SGCZ: variants seen among roughly 807,000 people sequenced by gnomAD.
SGCZ encodes sarcoglycan zeta.
A neutral mutation model predicts 41.3 loss-of-function variants in SGCZ; 40 were observed. The observed-to-expected ratio is 0.97, with a 90% CI of 0.75 to 1.26. The LOEUF (loss-of-function observed/expected upper bound fraction) is 1.26, where lower values mean the gene tolerates loss of function less well. Among genes scored for constraint, SGCZ ranks in the 50% most tolerant of loss-of-function variants. The pLI, the probability that SGCZ is intolerant of heterozygous loss-of-function variation, is 0.00. For synonymous variants in SGCZ, 206 were observed against 137.5 expected (o/e 1.50, Z -3.49); for missense variants, 552 against 369.8 (o/e 1.49, Z -4.04).
At position 14,090,489 on chromosome 8, in the gene SGCZ, A is replaced by G. The variant is rs771935815; in HGVS notation, c.893T>C (p.Val298Ala). 4 of 1,612,934 alleles carry G rather than the reference A, an allele frequency of 2.5e-6. No homozygotes were observed. The highest frequency in any genetic ancestry group is 1.7e-6 in the Non-Finnish European group (2 of 1,179,364). Reference sequence around the variant, plus strand: ...GCTACTGGACTGACAAGTGGAACCTACTCCTGCTGGAGAAAGGTAAAGTTT... The same window carrying G: ...GCTACTGGACTGACAAGTGGAACCTGCTCCTGCTGGAGAAAGGTAAAGTTT... ...NGKLYLSPAG[V>A]GSTCQSSSNI... The change falls in exon 8 of 8, where the codon GTA (valine) becomes GCA (alanine). Residue 298 changes from valine to alanine, a missense_variant. Transcript: ENST00000382080.
In SGCZ at chr8:14,967,614, C is replaced by T. The variant is rs568211266; in HGVS notation, c.39+269971G>A. On this transcript the variant is annotated intron_variant, in intron 1 of 7. Coordinates refer to ENST00000382080, the MANE Select transcript of SGCZ (RefSeq NM_139167.4). ...AGCTGAACTCACTGTACTTTTCCAT[C>T]CCAAACCTCTCAGAAAGTACTGGTC... Among the ~76,000 whole-genome samples, 9 of 152,282 alleles carry T rather than the reference C, an allele frequency of 5.9e-5. No homozygotes were observed. The South Asian group carries it at 6.2e-4, about 11-fold the overall frequency.
chr8:14,219,379 C>CG (rs1806109422), intron 4 of SGCZ, among the ~76,000 whole-genome samples: 1 of 152,148 alleles, frequency 6.6e-6, no homozygotes, highest in African/African-American at 2.4e-5. Context: ...TGCCTGCAGC[C>CG]GGTATTGGTC....
chr8:14,264,305 A>G (rs967789643), intron 3 of SGCZ, among the ~76,000 whole-genome samples: 4 of 152,154 alleles, frequency 2.6e-5, no homozygotes, highest in African/African-American at 9.7e-5. Context: ...GAAAGAAAAC[A>G]TAGCCTTGGA....
rs935955289 is a variant in SGCZ, at chr8:14,308,265, C to G, written c.336+15838G>C. On this transcript the variant is annotated intron_variant, in intron 3 of 7. Coordinates refer to ENST00000382080, the MANE Select transcript of SGCZ (RefSeq NM_139167.4). ...AATTAGAGGGAAACTATAATGAAAG[C>G]GCACGGAAAGGTGAAGTCATGACAA... is the stretch of plus-strand genomic sequence containing the variant. Among the ~76,000 whole-genome samples the G allele has an allele frequency of 1.3e-4, 19 of 151,880 alleles. 1 individual carries two copies. Among genetic ancestry groups the G allele is most frequent in the Admixed American group, 9.2e-4 (14 of 15,228 alleles).
At chr8:15,124,830 T>G (rs1807619921) in intron 1 of SGCZ, among the ~76,000 whole-genome samples, 1 of 152,152 alleles carries the variant, frequency 6.6e-6, no homozygotes, top group Non-Finnish European at 1.5e-5. Context: ...ACAATTAAGA[T>G]CTTTAAAAAA....
chr8:14,298,135 G>T (rs1395541122), intron 3 of SGCZ, among the ~76,000 whole-genome samples: 2 of 151,986 alleles, frequency 1.3e-5, no homozygotes, highest in Non-Finnish European at 2.9e-5. Context: ...GATACAGAAA[G>T]ATAATTTGAC....
intron 3 of SGCZ, among the ~76,000 whole-genome samples, chr8:14,259,854 A>G (rs1434990137): frequency 1.3e-5 from 2 of 151,800 alleles, no homozygotes; most frequent in Non-Finnish European, 2.9e-5. Flanking sequence ...GAAGAAAGGC[A>G]TTGGTAGCTT....
chr8:15,158,626 A>G (rs1381927216), intron 1 of SGCZ, among the ~76,000 whole-genome samples: 1 of 152,248 alleles, frequency 6.6e-6, no homozygotes, highest in Non-Finnish European at 1.5e-5. Flanking sequence ...TTTGGAACTT[A>G]TAATTCATTT....
At chr8:14,562,286 T>C (rs1223414908) in intron 1 of SGCZ, among the ~76,000 whole-genome samples, 1 of 152,160 alleles carries the variant, frequency 6.6e-6, no homozygotes, top group Non-Finnish European at 1.5e-5. Context: ...AAGATTGTTT[T>C]CATTTAATAA....
chr8:14,426,575 GAGA>G (rs1031594530), intron 2 of SGCZ, among the ~76,000 whole-genome samples: 3 of 152,074 alleles, frequency 2.0e-5, no homozygotes, highest in African/African-American at 7.2e-5. Context: ...ACGCCTAAGG[GAGA>G]AGTTTTGTTT....
chr8:15,201,174 G>A (rs1585667814), intron 1 of SGCZ, among the ~76,000 whole-genome samples: 1 of 152,076 alleles, frequency 6.6e-6, no homozygotes, highest in East Asian at 1.9e-4. Flanking sequence ...GTGCCATCAA[G>A]TCTGGCTAAT....
Position 14,769,696 on chromosome 8 carries a change from T to G in SGCZ, c.40-214770A>C, listed in dbSNP as rs369627449. ...AATCCCAGCTACTCAGGAGGCTGAG[T>G]CAGGAGAATCATCACTTAAACCTGG... is the stretch of plus-strand genomic sequence containing the variant. On this transcript the variant is annotated intron_variant, in intron 1 of 7. Transcript: ENST00000382080. Among the ~76,000 whole-genome samples, 200 of 148,578 alleles carry G rather than the reference T, an allele frequency of 1.3e-3. 4 individuals carry two copies. The highest frequency in any genetic ancestry group is 4.8e-3 in the African/African-American group (190 of 39,740).
At position 14,932,892 on chromosome 8, in the gene SGCZ, G is replaced by A. The variant is rs1467752565; in HGVS notation, c.39+304693C>T. On this transcript the variant is annotated intron_variant, in intron 1 of 7. Transcript: ENST00000382080. The stretch of plus-strand genomic sequence containing the variant: ...AAACTGTGCATCTAGTGGTAAGTAA[G>A]CACTAAATCTGGCATTCATTTCAAG... Among the ~76,000 whole-genome samples the A allele has an allele frequency of 2.6e-5, 4 of 152,082 alleles. No individual in the cohort carries two copies. The East Asian group carries it at 7.7e-4, about 29-fold the overall frequency.
At chr8:15,038,281 G>T (rs1803940672) in intron 1 of SGCZ, among the ~76,000 whole-genome samples, 1 of 152,010 alleles carries the variant, frequency 6.6e-6, no homozygotes, top group East Asian at 1.9e-4. Flanking sequence ...GAGTAAAATA[G>T]AGAGCCCAGA....
At position 14,554,885 on chromosome 8, in the gene SGCZ, G is replaced by A; in HGVS notation, c.81C>T (p.Asn27=). The stretch of plus-strand genomic sequence containing the variant: ...GTTGTGCATTCTCAGTCCTTGGCAG[G>A]TTATTCTGTTGGGTTGCTAGTATGT... The part of the protein sequence containing the change: ...EQYILATQQN[N]LPRTENAQLY... Residue 27 remains asparagine (N), a synonymous_variant, in exon 2 of 8, where the codon AAC becomes AAT. Coordinates refer to ENST00000382080, the MANE Select transcript of SGCZ (RefSeq NM_139167.4). 1 of 1,612,350 alleles carries A rather than the reference G, an allele frequency of 6.2e-7. No homozygotes were observed. The highest frequency in any genetic ancestry group is 8.5e-7 in the Non-Finnish European group (1 of 1,179,284).
intron 4 of SGCZ, among the ~76,000 whole-genome samples, chr8:14,236,884 A>G (rs1015922595): frequency 6.6e-6 from 1 of 151,784 alleles, no homozygotes; most frequent in East Asian, 1.9e-4. Flanking sequence ...AAATTAAAAT[A>G]TTTATTTGCT....
chr8:14,360,012 A>C (rs1473029222), intron 2 of SGCZ, among the ~76,000 whole-genome samples: 6 of 152,214 alleles, frequency 3.9e-5, no homozygotes, highest in Non-Finnish European at 8.8e-5. Flanking sequence ...GATAAAATTT[A>C]TATAGTCATT....
chr8:14,285,692 G>C (rs1403663247), intron 3 of SGCZ, among the ~76,000 whole-genome samples: 4 of 152,108 alleles, frequency 2.6e-5, no homozygotes, highest in African/African-American at 4.8e-5. Flanking sequence ...ATAGTGGATA[G>C]TTGTACAGAA....
chr8:14,578,987 A>T (rs1804801494), intron 1 of SGCZ, among the ~76,000 whole-genome samples: 1 of 152,126 alleles, frequency 6.6e-6, no homozygotes, highest in Non-Finnish European at 1.5e-5. Flanking sequence ...TTTTGAAGTT[A>T]TTTAGGTTTA....
Sources: allele counts gnomAD v4.1 joint callset (sites outside exome capture counted in the v4.1 genomes callset), GRCh38; gene constraint gnomAD v4.1.1; transcripts MANE v1.5; gene names NCBI Gene and HGNC (gene_info 2026-07-23, HGNC 2026-07-21).